The following EIF4G3 variants were observed in gnomAD, a reference collection of about 807,000 sequenced individuals.
EIF4G3 encodes the protein eIF-4-gamma 3.
A neutral mutation model predicts 186.4 loss-of-function variants in EIF4G3; 34 were observed. The observed-to-expected ratio is 0.18, with a 90% CI of 0.14 to 0.24. EIF4G3 has a LOEUF of 0.24. EIF4G3 is among the 10% of genes least tolerant of loss of function. The pLI is 1.00. For synonymous variants in EIF4G3, 673 were observed against 679.5 expected (o/e 0.99, Z 0.15); for missense variants, 1,536 against 1,948.5 (o/e 0.79, Z 3.99).
At chr1:21,061,738 CTTGT>C (rs1571919690) in intron 3 of EIF4G3, among the ~76,000 whole-genome samples, 4 of 145,774 alleles carry the variant, frequency 2.7e-5, no homozygotes, top group African/African-American at 1.0e-4. Context: ...TATTTCTCTG[CTTGT>C]TTTTTTTTTT....
chr1:20,811,495 G>A (rs181404226), intron 35 of EIF4G3, among the ~76,000 whole-genome samples: 169 of 152,282 alleles, frequency 1.1e-3, no homozygotes, highest in African/African-American at 3.8e-3. Context: ...CAAATATTTT[G>A]AAATCCAAAA....
intron 23 of EIF4G3, 58 bp downstream of exon 23, chr1:20,862,170 C>A: frequency 9.5e-7 from 1 of 1,050,952 alleles, no homozygotes; most frequent in Non-Finnish European, 1.4e-6. Context: ...CTTCCCCAAC[C>A]CAATTCCTTT....
At chr1:20,872,758 G>A (rs1220796287) in intron 20 of EIF4G3, among the ~76,000 whole-genome samples, 6 of 127,716 alleles carry the variant, frequency 4.7e-5, no homozygotes, top group Admixed American at 9.8e-5. Context: ...TCACTCTGTC[G>A]GCCAGGCTGG....
At position 20,886,369 on chromosome 1, in the gene EIF4G3, C is replaced by A. The variant is rs2084136844; in HGVS notation, c.2256G>T (p.Leu752Phe). ...RQTPGGRGVP[L>F]LNVGSRRSQP... ...GAGATCTTCGTGACCCAACATTCAA[C>A]AACTAGGACAAGAATATTACAGCTA... The change falls in exon 19 of 37, where the codon TTG becomes TTT. Residue 752 changes from leucine (L) to phenylalanine (F), a missense_variant and splice_region_variant. Physicochemically the swap from Leu to Phe is conservative, Grantham distance 22. Coordinates refer to ENST00000602326, the MANE Select transcript of EIF4G3 (RefSeq NM_001391906.1). The A allele has an allele frequency of 6.2e-7, 1 of 1,612,638 alleles. No homozygotes were observed. Among genetic ancestry groups the A allele is most frequent in the Non-Finnish European group, 8.5e-7 (1 of 1,179,578 alleles).
At chr1:21,140,553 G>A (rs1328658088) in intron 2 of EIF4G3, among the ~76,000 whole-genome samples, 2 of 152,292 alleles carry the variant, frequency 1.3e-5, no homozygotes, top group Middle Eastern at 3.4e-3. Flanking sequence ...CATTTGATCC[G>A]CCTGCCTTGG....
At chr1:21,022,296 C>A (rs940581807) in intron 4 of EIF4G3, among the ~76,000 whole-genome samples, 3 of 152,158 alleles carry the variant, frequency 2.0e-5, no homozygotes, top group African/African-American at 7.2e-5. Context: ...ATTTTTCTAT[C>A]TGATTATGCT....
At chr1:20,985,854 T>G (rs929039929) in intron 7 of EIF4G3, among the ~76,000 whole-genome samples, 1 of 152,174 alleles carries the variant, frequency 6.6e-6, no homozygotes, top group African/African-American at 2.4e-5. Flanking sequence ...AAGATACAAA[T>G]TCTTTTCATA....
intron 3 of EIF4G3, among the ~76,000 whole-genome samples, chr1:21,051,701 A>T (rs2094221791): frequency 1.3e-5 from 2 of 152,148 alleles, no homozygotes; most frequent in South Asian, 4.1e-4. Context: ...TATAAAAAAA[A>T]ATTTTTTTTT....
At chr1:21,048,868 G>A (rs968016589) in intron 4 of EIF4G3, among the ~76,000 whole-genome samples, 2 of 152,118 alleles carry the variant, frequency 1.3e-5, no homozygotes, top group East Asian at 1.9e-4. Flanking sequence ...AAAATAAGAC[G>A]TAGGTTTGGT....
At chr1:20,848,392 C>T (rs1302126896) in intron 29 of EIF4G3, among the ~76,000 whole-genome samples, 1 of 152,218 alleles carries the variant, frequency 6.6e-6, no homozygotes, top group Non-Finnish European at 1.5e-5. Context: ...CCTGACCTCA[C>T]ATCACTTAAT....
intron 30 of EIF4G3, among the ~76,000 whole-genome samples, chr1:20,837,364 C>A (rs897147197): frequency 6.6e-6 from 1 of 152,166 alleles, no homozygotes; most frequent in East Asian, 1.9e-4. Flanking sequence ...CGCCACCATG[C>A]CCAGCTAATT....
intron 2 of EIF4G3, among the ~76,000 whole-genome samples, chr1:21,159,481 A>T (rs982498106): frequency 6.6e-6 from 1 of 151,994 alleles, no homozygotes; most frequent in Admixed American, 6.6e-5. Flanking sequence ...TCACGCCTGT[A>T]ATCCCAGCAC....
At chr1:20,955,022 G>A (rs2096366801) in intron 12 of EIF4G3, among the ~76,000 whole-genome samples, 1 of 152,176 alleles carries the variant, frequency 6.6e-6, no homozygotes, top group Admixed American at 6.5e-5. Context: ...GATTCTAAAA[G>A]GAAGAGTATT....
At chr1:20,934,989 T>C (rs2095472177) in intron 14 of EIF4G3, among the ~76,000 whole-genome samples, 1 of 152,162 alleles carries the variant, frequency 6.6e-6, no homozygotes, top group African/African-American at 2.4e-5. Context: ...GATCTTTGTA[T>C]TACTCATTCA....
intron 4 of EIF4G3, among the ~76,000 whole-genome samples, chr1:21,033,873 A>G (rs2092956967): frequency 6.6e-6 from 1 of 152,132 alleles, no homozygotes; most frequent in South Asian, 2.1e-4. Context: ...GGATAGACTA[A>G]GGTGAGTTCA....
intron 2 of EIF4G3, among the ~76,000 whole-genome samples, chr1:21,112,488 T>C (rs1270733784): frequency 6.6e-6 from 1 of 152,108 alleles, no homozygotes; most frequent in African/African-American, 2.4e-5. Flanking sequence ...CATTTATAAT[T>C]TACTTCCTAA....
At chr1:20,991,880 C>T (rs925208295) in intron 7 of EIF4G3, among the ~76,000 whole-genome samples, 3 of 152,158 alleles carry the variant, frequency 2.0e-5, no homozygotes, top group African/African-American at 7.2e-5. Flanking sequence ...CTGACACCTA[C>T]CAAGGACTTA....
intron 12 of EIF4G3, among the ~76,000 whole-genome samples, chr1:20,964,527 A>G (rs1163592844): frequency 6.6e-6 from 1 of 152,212 alleles, no homozygotes; most frequent in Non-Finnish European, 1.5e-5. Flanking sequence ...ACTTCTCATT[A>G]GGGTAAAAAC....
intron 2 of EIF4G3, among the ~76,000 whole-genome samples, chr1:21,147,431 C>T (rs1465644263): frequency 1.3e-5 from 2 of 151,672 alleles, no homozygotes; most frequent in Admixed American, 1.3e-4. Context: ...ACCTCCACCT[C>T]CCGGGTTCAA....
Sources: gnomAD v4.1 joint callset for allele counts (sites outside exome capture counted in the v4.1 genomes callset) on GRCh38, gnomAD v4.1.1 for gene constraint, MANE v1.5 for transcripts, NCBI Gene and HGNC (gene_info 2026-07-23, HGNC 2026-07-21) for gene names.